The following CDK6 variants were observed in gnomAD, a reference collection of about 807,000 sequenced individuals.
CDK6 encodes cyclin dependent kinase 6.
Under a neutral mutation model 37.1 loss-of-function variants are expected in CDK6, and 6 were observed. The ratio of observed to expected loss-of-function variants is 0.16; its 90% CI spans 0.09 to 0.32. The LOEUF (loss-of-function observed/expected upper bound fraction) is 0.32. CDK6 is among the 10% of genes least tolerant of loss of function. The probability of loss-of-function intolerance (pLI) is 1.00; values close to 1 mark genes in which losing one functional copy is unlikely to be tolerated. For synonymous variants in CDK6, 160 were observed against 161.3 expected, an observed-to-expected ratio of 0.99 and a Z score of 0.06; for missense variants, 224 against 418.9, an observed-to-expected ratio of 0.53 and a Z score of 4.06.
At chr7:92,724,994 T>C (rs1259878461) in intron 4 of CDK6, 2 of 979,402 alleles carry the variant, frequency 2.0e-6, no homozygotes, top group African/African-American at 3.5e-5. Context: ...TCAATAGCTA[T>C]TATGGTTTTG....
At position 92,740,529 on chromosome 7, in the gene CDK6, T is replaced by A. The variant is rs192796348; in HGVS notation, c.370-14736A>T. On this transcript the variant is annotated intron_variant, in intron 3 of 7. Coordinates refer to ENST00000424848, the MANE Select transcript of CDK6 (RefSeq NM_001145306.2). The stretch of plus-strand genomic sequence containing the variant: ...TAACTGTAATGTCACCCTCCCTAGA[T>A]TACAGCCTCCTGATGCTAAGAAAGT... Among the ~76,000 whole-genome samples the A allele has an allele frequency of 5.3e-3, 812 of 152,268 alleles. 3 individuals are homozygous for A. Among genetic ancestry groups the A allele is most frequent in the Middle Eastern group, 0.031 (9 of 294 alleles).
At chr7:92,738,744 A>G (rs1798849385) in intron 3 of CDK6, among the ~76,000 whole-genome samples, 1 of 152,166 alleles carries the variant, frequency 6.6e-6, no homozygotes, top group Non-Finnish European at 1.5e-5. Flanking sequence ...GAGTACAGGT[A>G]TCCAAGTTTT....
intron 3 of CDK6, among the ~76,000 whole-genome samples, chr7:92,744,899 T>A (rs1472054172): frequency 6.6e-6 from 1 of 152,162 alleles, no homozygotes; most frequent in Non-Finnish European, 1.5e-5. Flanking sequence ...AGACTCAAGG[T>A]ATAGGCTTTA....
chr7:92,618,861 T>C (rs773965712), intron 6 of CDK6, among the ~76,000 whole-genome samples: 13 of 152,270 alleles, frequency 8.5e-5, no homozygotes, highest in Non-Finnish European at 1.5e-4. Context: ...ATATTTCCCC[T>C]GAAAACCATT....
At chr7:92,784,833 A>G in intron 2 of CDK6, among the ~76,000 whole-genome samples, 1 of 152,350 alleles carries the variant, frequency 6.6e-6, no homozygotes, top group African/African-American at 2.4e-5. Context: ...AAATTTTTCT[A>G]AATTATAACT....
chr7:92,804,915 T>C (rs901745835), intron 2 of CDK6, among the ~76,000 whole-genome samples: 1 of 152,190 alleles, frequency 6.6e-6, no homozygotes, highest in African/African-American at 2.4e-5. Flanking sequence ...TCACCCCTGG[T>C]TCAAGACCAC....
intron 4 of CDK6, among the ~76,000 whole-genome samples, chr7:92,702,815 A>G (rs1797883095): frequency 6.6e-6 from 1 of 152,126 alleles, no homozygotes; most frequent in African/African-American, 2.4e-5. Flanking sequence ...ACACGGGGGT[A>G]GCCAGGCATA....
Position 92,834,356 on chromosome 7 carries a change from T to C in CDK6, c.-367-666A>G, listed in dbSNP as rs2116039750. ...AAAAACGACTCGCATACACAAATGG[T>C]CTTTTTGGGGTAAAGGAGTCTCGGT... is the stretch of plus-strand genomic sequence containing the variant. On this transcript the variant is annotated intron_variant, in intron 1 of 7. Transcript: ENST00000424848. This position sits in a 1 kb window ranked among gnomAD's most constrained non-coding sequence, Gnocchi z 4.6. Among the ~76,000 whole-genome samples, 2 of 152,074 alleles carry C rather than the reference T, an allele frequency of 1.3e-5. No homozygotes were observed. Among genetic ancestry groups the C allele is most frequent in the Middle Eastern group, 6.8e-3 (2 of 294 alleles).
chr7:92,646,384 C>A (rs1184807004), intron 5 of CDK6, among the ~76,000 whole-genome samples: 1 of 151,418 alleles, frequency 6.6e-6, no homozygotes, highest in Non-Finnish European at 1.5e-5. Context: ...GGTAGGTTTT[C>A]TTTTTTCTTT....
At chr7:92,698,176 A>G (rs1383757093) in intron 4 of CDK6, among the ~76,000 whole-genome samples, 1 of 152,222 alleles carries the variant, frequency 6.6e-6, no homozygotes, top group Non-Finnish European at 1.5e-5. Flanking sequence ...AGCAGCTTCT[A>G]TGAACTAATA....
intron 3 of CDK6, among the ~76,000 whole-genome samples, chr7:92,747,225 C>T (rs1216174318): frequency 1.3e-5 from 2 of 152,190 alleles, no homozygotes; most frequent in African/African-American, 4.8e-5. Context: ...CAAGTCTTCT[C>T]AATTTCTCAT....
rs1436502346 is a variant in CDK6 at position 92,613,190 on chromosome 7, CA to C, written c.*1949del. ...ATTAAAAAAGAATAGTTCCCAACCC[CA>C]AAAGCTCTTCAGGAGAAACATCTCC... On this transcript the variant is annotated 3_prime_UTR_variant, in exon 8 of 8. Transcript: ENST00000424848. 6 of 233,068 alleles carry C rather than the reference CA, an allele frequency of 2.6e-5. No homozygotes were observed. The highest frequency in any genetic ancestry group is 5.1e-5 in the Non-Finnish European group (6 of 118,026). 14.4% of individuals were successfully genotyped at this position (233,068 alleles called of 1,614,324 possible). A position where few individuals can be genotyped will look rare whatever the true frequency, so the allele number is the denominator to read the frequency against.
chr7:92,672,184 G>GAC (rs1175195840), intron 4 of CDK6, among the ~76,000 whole-genome samples: 2,067 of 44,086 alleles, frequency 0.047, 158 homozygotes, highest in Middle Eastern at 0.088. Context: ...CACACACACA[G>GAC]ACACATACAC....
At chr7:92,638,591 C>T (rs1440169403) in intron 5 of CDK6, among the ~76,000 whole-genome samples, 3 of 152,184 alleles carry the variant, frequency 2.0e-5, no homozygotes, top group Non-Finnish European at 2.9e-5. Context: ...GAACCTCAGT[C>T]CAGGTCTGCC....
At chr7:92,781,588 T>C (rs1433657144) in intron 2 of CDK6, among the ~76,000 whole-genome samples, 2 of 152,214 alleles carry the variant, frequency 1.3e-5, no homozygotes, top group Non-Finnish European at 2.9e-5. Flanking sequence ...GCCTTTCTAT[T>C]GTGGTTACAA....
At position 92,612,949 on chromosome 7, in the gene CDK6, C is replaced by T. The variant is rs538930592; in HGVS notation, c.*2191G>A. 2 of 233,086 alleles carry T rather than the reference C, an allele frequency of 8.6e-6. No individual in the cohort carries two copies. Among genetic ancestry groups the T allele is most frequent in the South Asian group, 1.8e-4 (1 of 5,522 alleles). The allele number at this position is 233,086 out of a possible 1,614,324, so 14.4% of individuals were successfully genotyped here. A position where few individuals can be genotyped will look rare whatever the true frequency, so the allele number is the denominator to read the frequency against. On this transcript the variant is annotated 3_prime_UTR_variant, in exon 8 of 8. Coordinates refer to ENST00000424848, the MANE Select transcript of CDK6 (RefSeq NM_001145306.2). ...ACCCTCGATCAAAGGAAAGGCAGAA[C>T]TCACTTTTCCATGTGAGACTTTGAG...
chr7:92,647,271 A>G (rs755119359), intron 5 of CDK6, among the ~76,000 whole-genome samples: 38 of 152,348 alleles, frequency 2.5e-4, no homozygotes, highest in South Asian at 4.1e-4. Flanking sequence ...TAAAATAAAT[A>G]TAAGTGCAAA....
intron 4 of CDK6, among the ~76,000 whole-genome samples, chr7:92,688,417 A>G (rs1797514664): frequency 6.6e-6 from 1 of 152,196 alleles, no homozygotes; most frequent in Non-Finnish European, 1.5e-5. Flanking sequence ...TGTGACTAAC[A>G]TTTTAAATTG....
intron 3 of CDK6, among the ~76,000 whole-genome samples, chr7:92,744,082 T>C (rs777559361): frequency 2.0e-5 from 3 of 152,218 alleles, no homozygotes; most frequent in Non-Finnish European, 4.4e-5. Flanking sequence ...AGTTATTCAG[T>C]ACAGGTATGC....
Sources: allele counts gnomAD v4.1 joint callset (sites outside exome capture counted in the v4.1 genomes callset), GRCh38; gene constraint gnomAD v4.1.1; non-coding constraint Gnocchi (gnomAD v3.1); transcripts MANE v1.5; gene names NCBI Gene and HGNC (gene_info 2026-07-23, HGNC 2026-07-21).